The following VPS13A variants were observed in gnomAD, a reference collection of about 807,000 sequenced individuals.
VPS13A encodes intermembrane lipid transfer protein VPS13A.
VPS13A carries 264 observed loss-of-function variants against 390.9 expected under a neutral mutation model. The ratio of observed to expected loss-of-function variants is 0.68; its 90% CI spans 0.61 to 0.75. VPS13A has a LOEUF of 0.75. Among genes scored for constraint, VPS13A ranks in the 30% least tolerant of loss-of-function variants. The pLI is 0.00. For synonymous variants in VPS13A, 1,231 were observed against 1,227.1 expected, an observed-to-expected ratio of 1.00 and a Z score of -0.07; for missense variants, 3,409 against 3,733.9, an observed-to-expected ratio of 0.91 and a Z score of 2.27.
intron 68 of VPS13A, among the ~76,000 whole-genome samples, chr9:77,385,701 A>G (rs1449078963): frequency 6.6e-6 from 1 of 152,088 alleles, no homozygotes; most frequent in Non-Finnish European, 1.5e-5. Context: ...TTTAATCCCT[A>G]TGACTGCTGT....
chr9:77,418,261 G>A lies in VPS13A; in HGVS notation c.*2255G>A, dbSNP rs1835232950. 6.6e-6 allele frequency: 1 copy of A among 152,270 alleles called. No individual in the cohort carries two copies. The highest frequency in any genetic ancestry group is 1.9e-4 in the East Asian group (1 of 5,178). The allele number at this position is 152,270 out of a possible 1,614,324, so 9.4% of individuals were successfully genotyped here. The stretch of plus-strand genomic sequence containing the variant: ...TTTGGTAGTGGCTATGGAATGAGAG[G>A]TGTTGAGTCTTGTGCCCCTTCCATG... On this transcript the variant is annotated 3_prime_UTR_variant, in exon 72 of 72. Transcript: ENST00000360280.
chr9:77,419,386 A>C lies in VPS13A; in HGVS notation c.*3380A>C, dbSNP rs1481516421. On this transcript the variant is annotated 3_prime_UTR_variant, in exon 72 of 72. Transcript: ENST00000360280. ...TACTGTGTATACTGGGTCACAATAT[A>C]AAGTGTTTCCTGTTATGAAATGCAA... is the stretch of plus-strand genomic sequence containing the variant. 2 of 152,200 alleles carry C rather than the reference A, an allele frequency of 1.3e-5. No individual in the cohort carries two copies. The allele number at this position is 152,200 out of a possible 1,614,324, so 9.4% of individuals were successfully genotyped here.
At chr9:77,290,775 A>AT (rs751825465) in intron 31 of VPS13A, among the ~76,000 whole-genome samples, 2 of 152,184 alleles carry the variant, frequency 1.3e-5, no homozygotes, top group Non-Finnish European at 2.9e-5. Flanking sequence ...AATCTTTAAT[A>AT]TATCCCTTTG....
intron 68 of VPS13A, 84 bp downstream of exon 68, chr9:77,382,171 T>C (rs1244005447): frequency 5.3e-6 from 7 of 1,315,732 alleles, no homozygotes; most frequent in Non-Finnish European, 7.2e-6. Flanking sequence ...TATATTAAAT[T>C]ATTTGGGCTT....
Position 77,357,952 on chromosome 9 carries a change from CTTTTTTTTTTT to C in VPS13A, c.7953+125_7953+135del, listed in dbSNP as rs5898534. On this transcript the variant is annotated intron_variant, in intron 56 of 71. Coordinates refer to ENST00000360280, the MANE Select transcript of VPS13A (RefSeq NM_033305.3). ...TATTCAGTTTCAATGTTGTGCTAGCCTTTTTTTTTTTTTTTTTTTTTGAGACAGAGTCTCCC... is the reference window on the plus strand; with the variant it reads ...TATTCAGTTTCAATGTTGTGCTAGCCTTTTTTTTTTGAGACAGAGTCTCCC... 16 of 346,192 alleles carry C rather than the reference CTTTTTTTTTTT, an allele frequency of 4.6e-5. No homozygotes were observed. In the African/African-American group the frequency reaches 5.2e-4, roughly 11 times the overall value. The allele number at this position is 346,192 out of a possible 1,614,324, so 21.4% of individuals were successfully genotyped here.
chr9:77,253,687 G>A (rs993628897), intron 22 of VPS13A, among the ~76,000 whole-genome samples: 1 of 152,084 alleles, frequency 6.6e-6, no homozygotes, highest in African/African-American at 2.4e-5. Context: ...CTCACTCTGT[G>A]TTTCCTTATC....
At chr9:77,320,221 A>G (rs905834762) in intron 42 of VPS13A, among the ~76,000 whole-genome samples, 7 of 152,128 alleles carry the variant, frequency 4.6e-5, no homozygotes, top group Admixed American at 4.6e-4. Flanking sequence ...TGAAGTAATA[A>G]TAGCTACAAA....
intron 70 of VPS13A, among the ~76,000 whole-genome samples, chr9:77,406,721 CT>C (rs200930391): frequency 8.1e-4 from 116 of 144,034 alleles, no homozygotes; most frequent in East Asian, 8.0e-4. Context: ...CCAGCCTCAT[CT>C]TTTTTTTTTT....
At chr9:77,322,752 T>G (rs1447989438) in intron 44 of VPS13A, among the ~76,000 whole-genome samples, 2 of 152,228 alleles carry the variant, frequency 1.3e-5, no homozygotes, top group African/African-American at 4.8e-5. Flanking sequence ...CCAAAAGGTA[T>G]TATGCTCTGG....
rs1835235263 is a variant in VPS13A at position 77,418,329 on chromosome 9, G to C, written c.*2323G>C. On this transcript the variant is annotated 3_prime_UTR_variant, in exon 72 of 72. Coordinates refer to ENST00000360280, the MANE Select transcript of VPS13A (RefSeq NM_033305.3). Reference sequence around the variant, plus strand: ...CTATATTACTAGGCCCTTAATTCCAGCACAGCATGTCTTCTGGTCTATGAT... The same window carrying C: ...CTATATTACTAGGCCCTTAATTCCACCACAGCATGTCTTCTGGTCTATGAT... The C allele has an allele frequency of 6.6e-6, 1 of 152,134 alleles. No homozygotes were observed. The highest frequency in any genetic ancestry group is 2.1e-4 in the South Asian group (1 of 4,834). 9.4% of individuals were successfully genotyped at this position (152,134 alleles called of 1,614,324 possible).
chr9:77,357,814 T>C lies in VPS13A; in HGVS notation c.7929T>C (p.Phe2643=), dbSNP rs1329855562. 3 of 1,613,698 alleles carry C rather than the reference T, an allele frequency of 1.9e-6. No individual in the cohort carries two copies. Among genetic ancestry groups the C allele is most frequent in the Non-Finnish European group, 2.5e-6 (3 of 1,179,864 alleles). Residue 2643 remains phenylalanine, a synonymous_variant, in exon 56 of 72, where the codon TTT becomes TTC. Coordinates refer to ENST00000360280, the MANE Select transcript of VPS13A (RefSeq NM_033305.3). ...EYNTSAHQSS[F]RIQIYRIQIQ... ...ACACATCTGCACATCAATCATCATT[T>C]AGAATTCAGATTTACAGAATACAGG...
At position 77,381,893 on chromosome 9, in the gene VPS13A, T is replaced by C. The variant is rs926540645; in HGVS notation, c.9078-83T>C. 4 of 846,634 alleles carry C rather than the reference T, an allele frequency of 4.7e-6. No individual in the cohort carries two copies. In the African/African-American group the frequency reaches 5.2e-5, roughly 11 times the overall value. The allele number at this position is 846,634 out of a possible 1,614,324, so 52.4% of individuals were successfully genotyped here. A position where few individuals can be genotyped will look rare whatever the true frequency, so the allele number is the denominator to read the frequency against. Reference sequence around the variant, plus strand: ...GTAATATTTTTAATCTGAAATAAGATTGTTTTTAGTAATTGCATTTTATAG... The same window carrying C: ...GTAATATTTTTAATCTGAAATAAGACTGTTTTTAGTAATTGCATTTTATAG... On this transcript the variant is annotated intron_variant, in intron 67 of 71. Coordinates refer to ENST00000360280, the MANE Select transcript of VPS13A (RefSeq NM_033305.3).
At chr9:77,335,900 TACAC>T (rs1830515344) in intron 46 of VPS13A, among the ~76,000 whole-genome samples, 1 of 152,190 alleles carries the variant, frequency 6.6e-6, no homozygotes, top group Non-Finnish European at 1.5e-5. Flanking sequence ...TAAAGACAGA[TACAC>T]ACATATGTTT....
intron 34 of VPS13A, among the ~76,000 whole-genome samples, chr9:77,306,470 G>C (rs907499926): frequency 2.0e-5 from 3 of 149,474 alleles, no homozygotes; most frequent in African/African-American, 5.0e-5. Flanking sequence ...AAAAGGGAGA[G>C]ACTTATTTTA....
At chr9:77,289,116 G>A (rs1827503747) in intron 31 of VPS13A, among the ~76,000 whole-genome samples, 1 of 151,972 alleles carries the variant, frequency 6.6e-6, no homozygotes, top group African/African-American at 2.4e-5. Flanking sequence ...TCTGTTTTTT[G>A]ATGCAAAGTC....
chr9:77,317,107 A>G (rs1829443008), intron 39 of VPS13A, among the ~76,000 whole-genome samples: 1 of 152,004 alleles, frequency 6.6e-6, no homozygotes, highest in Non-Finnish European at 1.5e-5. Flanking sequence ...AAACATTGTC[A>G]CCATAGAAAT....
chr9:77,270,440 C>T (rs79085159), intron 23 of VPS13A, among the ~76,000 whole-genome samples: 3,351 of 152,190 alleles, frequency 0.022, 93 homozygotes, highest in African/African-American at 0.062. Context: ...TTGAAGGCAT[C>T]GTCTTATTTC....
At chr9:77,191,326 C>G (rs1477609564) in intron 1 of VPS13A, among the ~76,000 whole-genome samples, 1 of 142,228 alleles carries the variant, frequency 7.0e-6, no homozygotes, top group Non-Finnish European at 1.5e-5. Flanking sequence ...CAGGTTCTTG[C>G]CCTGTTGCCG....
chr9:77,256,049 C>T (rs1825424806), intron 22 of VPS13A, among the ~76,000 whole-genome samples: 1 of 151,432 alleles, frequency 6.6e-6, no homozygotes, highest in African/African-American at 2.4e-5. Context: ...GTTTAGTTTG[C>T]TGTTCTTTTT....
Sources: gnomAD v4.1 joint callset for allele counts (sites outside exome capture counted in the v4.1 genomes callset) on GRCh38, gnomAD v4.1.1 for gene constraint, MANE v1.5 for transcripts, NCBI Gene and HGNC (gene_info 2026-07-23, HGNC 2026-07-21) for gene names.